The following TBC1D22A variants were observed in gnomAD, a reference collection of about 807,000 sequenced individuals.
The protein encoded by TBC1D22A is TBC1 domain family member 22A.
TBC1D22A carries 38 observed loss-of-function variants against 60.2 expected under a neutral mutation model. That is an observed-to-expected ratio of 0.63 (90% CI 0.49 to 0.83). The LOEUF (loss-of-function observed/expected upper bound fraction) is 0.83, where lower values mean the gene tolerates loss of function less well. TBC1D22A is among the 40% of genes least tolerant of loss of function. TBC1D22A has a pLI of 0.00. For synonymous variants in TBC1D22A, 302 were observed against 281.7 expected (o/e 1.07, Z -0.72); for missense variants, 628 against 701.0 (o/e 0.90, Z 1.18).
chr22:46,962,726 G>A (rs750667597), intron 8 of TBC1D22A, among the ~76,000 whole-genome samples: 45 of 152,310 alleles, frequency 3.0e-4, no homozygotes, highest in African/African-American at 9.9e-4. Flanking sequence ...TGTTACAAAC[G>A]TCAGATTCTA....
intron 8 of TBC1D22A, among the ~76,000 whole-genome samples, chr22:46,952,295 T>G (rs1285941049): frequency 1.9e-5 from 2 of 103,168 alleles, no homozygotes; most frequent in Admixed American, 2.1e-4. Flanking sequence ...CTTCTGTGTG[T>G]GCCGCTTGTC....
chr22:47,069,813 G>A (rs1348364012), intron 11 of TBC1D22A, among the ~76,000 whole-genome samples: 2 of 135,526 alleles, frequency 1.5e-5, no homozygotes, highest in African/African-American at 5.7e-5. Flanking sequence ...GACGGTTCCC[G>A]GCTGTTCCCT....
At chr22:46,884,919 G>T (rs1406599557) in intron 5 of TBC1D22A, among the ~76,000 whole-genome samples, 2 of 152,220 alleles carry the variant, frequency 1.3e-5, no homozygotes, top group Non-Finnish European at 2.9e-5. Context: ...GGTCAGAGAG[G>T]CAGGAAGGGC....
chr22:47,074,422 G>A (rs1488681996), intron 11 of TBC1D22A, among the ~76,000 whole-genome samples: 1 of 152,364 alleles, frequency 6.6e-6, no homozygotes, highest in South Asian at 2.1e-4. Context: ...GGAGGTGCTG[G>A]AAGCAGGCAC....
At position 46,848,222 on chromosome 22, in the gene TBC1D22A, G is replaced by A. The variant is rs1293906436; in HGVS notation, c.638-30431G>A. Among the ~76,000 whole-genome samples, 6 of 152,244 alleles carry A rather than the reference G, an allele frequency of 3.9e-5. No individual in the cohort carries two copies. The East Asian group carries it at 1.2e-3, about 29-fold the overall frequency. ...CTCCCTCCAAAAAAATGGTATCGCG[G>A]AGGCGGTGTCAGAAGAGCCCCAGAA... On this transcript the variant is annotated intron_variant, in intron 4 of 12. Transcript: ENST00000337137.
chr22:46,911,079 G>A (rs772686831), intron 7 of TBC1D22A, among the ~76,000 whole-genome samples: 1 of 152,112 alleles, frequency 6.6e-6, no homozygotes, highest in Non-Finnish European at 1.5e-5. Flanking sequence ...AGCCAGGTGT[G>A]CACATGTGCA....
chr22:46,881,497 C>T (rs542105066), intron 5 of TBC1D22A, among the ~76,000 whole-genome samples: 25 of 152,294 alleles, frequency 1.6e-4, no homozygotes, highest in African/African-American at 5.8e-4. Flanking sequence ...TGTGTCTGTC[C>T]CTTACTGAGT....
intron 11 of TBC1D22A, among the ~76,000 whole-genome samples, chr22:47,049,341 T>TGCGGGCGC (rs1569387245): frequency 6.6e-6 from 1 of 151,364 alleles, no homozygotes; most frequent in African/African-American, 2.4e-5. Context: ...GAAGCGGGCA[T>TGCGGGCGC]GGGCGCTGGG....
At chr22:46,858,824 G>A (rs2087712575) in intron 4 of TBC1D22A, among the ~76,000 whole-genome samples, 1 of 152,180 alleles carries the variant, frequency 6.6e-6, no homozygotes, top group Admixed American at 6.5e-5. Flanking sequence ...CTATGAATTG[G>A]GTGCGTTCAC....
intron 11 of TBC1D22A, among the ~76,000 whole-genome samples, chr22:47,044,415 C>T (rs891987592): frequency 4.6e-5 from 7 of 152,174 alleles, no homozygotes; most frequent in East Asian, 1.9e-4. Context: ...GGGTGGACAG[C>T]GTGCTCCAAG....
intron 12 of TBC1D22A, among the ~76,000 whole-genome samples, chr22:47,113,789 G>A (rs2065932855): frequency 1.3e-5 from 2 of 152,230 alleles, no homozygotes; most frequent in South Asian, 2.1e-4. Flanking sequence ...GTGTCACTCC[G>A]GCCCTGGAGG....
intron 12 of TBC1D22A, among the ~76,000 whole-genome samples, chr22:47,157,395 A>G (rs1041786097): frequency 2.0e-5 from 3 of 152,104 alleles, no homozygotes; most frequent in Non-Finnish European, 4.4e-5. Flanking sequence ...GTTATCTCTC[A>G]TTATTTGGCG....
At chr22:47,101,340 C>T (rs2065408421) in intron 11 of TBC1D22A, among the ~76,000 whole-genome samples, 1 of 152,304 alleles carries the variant, frequency 6.6e-6, no homozygotes, top group African/African-American at 2.4e-5. Context: ...GAAGCAGGGA[C>T]AGGCTTGGGG....
chr22:47,046,273 C>A (rs985247253), intron 11 of TBC1D22A, among the ~76,000 whole-genome samples: 6 of 152,200 alleles, frequency 3.9e-5, no homozygotes, highest in African/African-American at 1.2e-4. Context: ...GTGGTCCCTG[C>A]ACCCCACTGT....
intron 8 of TBC1D22A, among the ~76,000 whole-genome samples, chr22:46,968,007 G>A (rs1285713775): frequency 6.6e-6 from 1 of 152,236 alleles, no homozygotes; most frequent in Non-Finnish European, 1.5e-5. Context: ...TCGTCTCACA[G>A]AGGTGGGGTG....
In TBC1D22A at chr22:46,940,629, CAT is replaced by C. The variant is rs536798967; in HGVS notation, c.1015+28448_1015+28449del. On this transcript the variant is annotated intron_variant, in intron 8 of 12. Transcript: ENST00000337137. ...GCATGGAGGCTAGGGCACTAGCACA[CAT>C]ATATATGTATATACACAGTCCACCC... Among the ~76,000 whole-genome samples, 27 of 146,500 alleles carry C rather than the reference CAT, an allele frequency of 1.8e-4. No homozygotes were observed. In the South Asian group the frequency reaches 5.8e-3, roughly 31 times the overall value.
At chr22:47,162,683 G>A (rs1392183320) in intron 12 of TBC1D22A, among the ~76,000 whole-genome samples, 108 of 33,674 alleles carry the variant, frequency 3.2e-3, no homozygotes, top group African/African-American at 9.9e-3. Context: ...AGGGAGAGTC[G>A]TGGGAATGGG....
At chr22:46,963,692 C>T (rs185125585) in intron 8 of TBC1D22A, among the ~76,000 whole-genome samples, 7 of 152,338 alleles carry the variant, frequency 4.6e-5, no homozygotes, top group South Asian at 2.1e-4. Flanking sequence ...GGTGCCACTC[C>T]GGGCAGGACA....
intron 6 of TBC1D22A, among the ~76,000 whole-genome samples, chr22:46,894,200 G>A (rs73470862): frequency 0.015 from 2,353 of 152,296 alleles, 66 homozygotes; most frequent in African/African-American, 0.053. Flanking sequence ...CAACACTCTT[G>A]TTTGGTTGCT....
Sources: allele counts gnomAD v4.1 joint callset (sites outside exome capture counted in the v4.1 genomes callset), GRCh38; gene constraint gnomAD v4.1.1; transcripts MANE v1.5; gene names NCBI Gene and HGNC (gene_info 2026-07-23, HGNC 2026-07-21).